Variants in RNF144A observed in about 807,000 individuals in gnomAD.
RNF144A encodes the protein E3 ubiquitin-protein ligase RNF144A.
Under a neutral mutation model 38.7 loss-of-function variants are expected in RNF144A, and 11 were observed. That is an observed-to-expected ratio of 0.28 (90% CI 0.18 to 0.47). The LOEUF is 0.47. RNF144A is among the 20% of genes least tolerant of loss of function. The pLI is 0.99. For synonymous variants in RNF144A, 149 were observed against 143.9 expected (o/e 1.04, Z -0.25); for missense variants, 316 against 377.2 (o/e 0.84, Z 1.34).
At chr2:7,057,738 T>C (rs1673794153) in intron 6 of RNF144A, among the ~76,000 whole-genome samples, 1 of 152,170 alleles carries the variant, frequency 6.6e-6, no homozygotes, top group Non-Finnish European at 1.5e-5. Flanking sequence ...TGCATCAAAT[T>C]GAATACATTT....
rs1474888425 is a variant in RNF144A at position 6,971,878 on chromosome 2, T to G, written c.-11-25038T>G. Among the ~76,000 whole-genome samples, 6 of 152,214 alleles carry G rather than the reference T, an allele frequency of 3.9e-5. No homozygotes were observed. The East Asian group carries it at 1.2e-3, about 29-fold the overall frequency. Reference sequence around the variant, plus strand: ...TGTGGGATAAGATAGTATACAATGTTTATTTCTAGATTCCTGATTTTGTTC... The same window carrying G: ...TGTGGGATAAGATAGTATACAATGTGTATTTCTAGATTCCTGATTTTGTTC... On this transcript the variant is annotated intron_variant, in intron 2 of 8. Transcript: ENST00000320892.
intron 2 of RNF144A, among the ~76,000 whole-genome samples, chr2:6,942,466 G>A (rs1198859545): frequency 6.6e-6 from 1 of 152,204 alleles, no homozygotes; most frequent in Non-Finnish European, 1.5e-5. Flanking sequence ...AAGAGAAAGT[G>A]GGGCACACTC....
At chr2:6,925,870 G>A (rs539003286) in intron 1 of RNF144A, among the ~76,000 whole-genome samples, 4 of 152,210 alleles carry the variant, frequency 2.6e-5, no homozygotes, top group South Asian at 4.2e-4. Context: ...ACACGTGTGC[G>A]CACACACACA....
chr2:6,918,751 G>C (rs1377334823), intron 1 of RNF144A: 2 of 88,332 alleles, frequency 2.3e-5, no homozygotes, highest in Non-Finnish European at 4.2e-5. Context: ...GCGACAGAAC[G>C]AGACTCCGTC....
chr2:6,993,343 AGCCACTGGGG>A (rs1356047640), intron 2 of RNF144A, among the ~76,000 whole-genome samples: 1 of 152,152 alleles, frequency 6.6e-6, no homozygotes, highest in Admixed American at 6.5e-5. Context: ...GGGCAGGGGA[AGCCACTGGGG>A]GCCAGATAGA....
At chr2:6,959,797 C>G (rs916981604) in intron 2 of RNF144A, among the ~76,000 whole-genome samples, 4 of 152,178 alleles carry the variant, frequency 2.6e-5, no homozygotes, top group Admixed American at 2.0e-4. Context: ...CCACCCCCCC[C>G]ATACTGTTTC....
intron 6 of RNF144A, among the ~76,000 whole-genome samples, chr2:7,023,483 T>C (rs748897385): frequency 1.1e-4 from 16 of 152,192 alleles, no homozygotes; most frequent in African/African-American, 2.7e-4. Context: ...TTGTTTGATA[T>C]AGTGAGTTCC....
At chr2:7,065,542 T>G (rs1674177704) in intron 6 of RNF144A, among the ~76,000 whole-genome samples, 1 of 152,260 alleles carries the variant, frequency 6.6e-6, no homozygotes, top group South Asian at 2.1e-4. Flanking sequence ...AAAGTTTTAC[T>G]AAAATTAGGT....
chr2:6,996,822 C>G, intron 2 of RNF144A, 94 bp from the exon 3 acceptor site: 1 of 1,348,438 alleles, frequency 7.4e-7, no homozygotes, highest in Non-Finnish European at 1.0e-6. Flanking sequence ...TGGCCACCTC[C>G]CTGGGTCCCA....
intron 1 of RNF144A, among the ~76,000 whole-genome samples, chr2:6,938,822 T>C (rs991907152): frequency 2.0e-5 from 3 of 152,228 alleles, no homozygotes; most frequent in African/African-American, 4.8e-5. Flanking sequence ...GTGAGTGGTT[T>C]CATATAATAT....
rs537272252 is a variant in RNF144A, at chr2:6,943,685, C to A, written c.-12+2538C>A. Among the ~76,000 whole-genome samples, 3 of 152,092 alleles carry A rather than the reference C, an allele frequency of 2.0e-5. No homozygotes were observed. The South Asian group carries it at 6.2e-4, about 32-fold the overall frequency. The stretch of plus-strand genomic sequence containing the variant: ...GCTTTAGGAGGAACACGGATAGTTA[C>A]CAGTGGGGATGGACCAAATGACAGA... On this transcript the variant is annotated intron_variant, in intron 2 of 8. Coordinates refer to ENST00000320892, the MANE Select transcript of RNF144A (RefSeq NM_014746.6). This position sits in a 1 kb window ranked among gnomAD's most constrained non-coding sequence, Gnocchi z 4.3.
intron 7 of RNF144A, among the ~76,000 whole-genome samples, chr2:7,026,265 C>T (rs1439946099): frequency 2.0e-5 from 3 of 152,122 alleles, no homozygotes; most frequent in Non-Finnish European, 4.4e-5. Context: ...CTTTAAATTA[C>T]TAAATTAATA....
chr2:6,955,734 A>C (rs1048776601), intron 2 of RNF144A, among the ~76,000 whole-genome samples: 1 of 152,184 alleles, frequency 6.6e-6, no homozygotes, highest in African/African-American at 2.4e-5. Context: ...CTGGACTGGA[A>C]AAGCCTGTCC....
At chr2:7,065,352 A>T (rs1674166368) in intron 6 of RNF144A, among the ~76,000 whole-genome samples, 1 of 152,214 alleles carries the variant, frequency 6.6e-6, no homozygotes, top group African/African-American at 2.4e-5. Context: ...CTATTATAAA[A>T]TGACTGCTTC....
chr2:6,938,082 C>G (rs375130109), intron 1 of RNF144A, among the ~76,000 whole-genome samples: 26 of 152,250 alleles, frequency 1.7e-4, no homozygotes, highest in African/African-American at 6.0e-4. Context: ...ACAGAAATGC[C>G]TAAAGTTAAG....
At chr2:7,074,095 A>G in the RNF144A span, among the ~76,000 whole-genome samples, 1 of 152,260 alleles carries the variant, frequency 6.6e-6, no homozygotes, top group African/African-American at 2.4e-5. Context: ...TCCAGAGCCC[A>G]TATCAATGCC....
At position 6,958,382 on chromosome 2, in the gene RNF144A, C is replaced by T. The variant is rs1481044825; in HGVS notation, c.-12+17235C>T. 1.3e-5 allele frequency among the ~76,000 whole-genome samples: 2 copies of T among 152,222 alleles called. No homozygotes were observed. The highest frequency in any genetic ancestry group is 4.8e-5 in the African/African-American group (2 of 41,446). On this transcript the variant is annotated intron_variant, in intron 2 of 8. Transcript: ENST00000320892. This position sits in a 1 kb window ranked among gnomAD's most constrained non-coding sequence, Gnocchi z 4.5. Reference sequence around the variant, plus strand: ...CCTCCCCGACACCCAGGTGACCACCCAGTTTGGGAGGAAAACAGAATATTG... The same window carrying T: ...CCTCCCCGACACCCAGGTGACCACCTAGTTTGGGAGGAAAACAGAATATTG...
chr2:7,009,636 A>G lies in RNF144A; in HGVS notation c.136-4818A>G, dbSNP rs73914474. Among the ~76,000 whole-genome samples, 1,230 of 152,306 alleles carry G rather than the reference A, an allele frequency of 8.1e-3. 11 individuals are homozygous for G. Among genetic ancestry groups the G allele is most frequent in the African/African-American group, 0.028 (1,174 of 41,576 alleles). On this transcript the variant is annotated intron_variant, in intron 3 of 8. Coordinates refer to ENST00000320892, the MANE Select transcript of RNF144A (RefSeq NM_014746.6). Reference sequence around the variant, plus strand: ...CTTGAGGAAAGTGATCCTTGCCAGAACATGTACTGTGCAGCTTGCTGGGCA... The same window carrying G: ...CTTGAGGAAAGTGATCCTTGCCAGAGCATGTACTGTGCAGCTTGCTGGGCA...
intron 3 of RNF144A, 122 bp downstream of exon 3, chr2:6,997,183 T>G: frequency 1.1e-6 from 1 of 889,580 alleles, no homozygotes; most frequent in Admixed American, 2.0e-5. Flanking sequence ...GTCTTCTTGT[T>G]GAGGCCTTCA....
Sources: allele counts gnomAD v4.1 joint callset (sites outside exome capture counted in the v4.1 genomes callset), GRCh38; gene constraint gnomAD v4.1.1; non-coding constraint Gnocchi (gnomAD v3.1); transcripts MANE v1.5; gene names NCBI Gene and HGNC (gene_info 2026-07-23, HGNC 2026-07-21).